Variants in PTPN2 observed in about 807,000 individuals in gnomAD.
The protein encoded by PTPN2 is protein tyrosine phosphatase non-receptor type 2, also known as tyrosine-protein phosphatase non-receptor type 2.
Under a neutral mutation model 57.3 loss-of-function variants are expected in PTPN2, and 19 were observed. The observed-to-expected ratio is 0.33, with a 90% CI of 0.23 to 0.49. PTPN2 has a LOEUF of 0.49. Ranked by LOEUF, PTPN2 falls within the 20% of genes least tolerant of loss-of-function variation. PTPN2 has a pLI of 0.99. For missense variants in PTPN2, 358 were observed against 501.1 expected, an observed-to-expected ratio of 0.71 and a Z score of 2.73; for synonymous variants, 153 against 164.9, an observed-to-expected ratio of 0.93 and a Z score of 0.55.
chr18:12,882,389 A>G (rs1184853588), intron 1 of PTPN2, among the ~76,000 whole-genome samples: 1 of 152,226 alleles, frequency 6.6e-6, no homozygotes, highest in Non-Finnish European at 1.5e-5. Context: ...ATGCGAGTTA[A>G]GTTCATTTTT....
intron 2 of PTPN2, among the ~76,000 whole-genome samples, chr18:12,847,643 G>GT (rs1352113466): frequency 2.0e-5 from 3 of 147,326 alleles, no homozygotes; most frequent in South Asian, 2.2e-4. Context: ...TTGAGAGGGA[G>GT]TTTTTTTTCG....
intron 5 of PTPN2, among the ~76,000 whole-genome samples, chr18:12,818,436 A>G (rs766234610): frequency 5.3e-5 from 8 of 152,220 alleles, no homozygotes; most frequent in Non-Finnish European, 1.0e-4. Context: ...CCAACATGCT[A>G]AATGTTTCCT....
At chr18:12,794,962 C>T (rs72870545) in intron 8 of PTPN2, among the ~76,000 whole-genome samples, 5,522 of 152,204 alleles carry the variant, frequency 0.036, 152 homozygotes, top group Middle Eastern at 0.054. Flanking sequence ...CAGAGATGTA[C>T]CTTGACAACC....
Position 12,793,425 on chromosome 18 carries a change from T to C in PTPN2, c.*853A>G, listed in dbSNP as rs1054895502. On this transcript the variant is annotated 3_prime_UTR_variant, in exon 9 of 9. Coordinates refer to ENST00000309660, the MANE Select transcript of PTPN2 (RefSeq NM_002828.4). ...GAAATTTTCATGAAAAATAAACATA[T>C]CAATAATGGGATTTACAGAAACCAA... 1.3e-5 allele frequency: 13 copies of C among 978,958 alleles called. No homozygotes were observed. The highest frequency in any genetic ancestry group is 1.8e-5 in the African/African-American group (1 of 57,062). The allele number at this position is 978,958 out of a possible 1,614,324, so 60.6% of individuals were successfully genotyped here.
intron 2 of PTPN2, among the ~76,000 whole-genome samples, chr18:12,838,041 T>C (rs1472852352): frequency 3.3e-5 from 5 of 151,330 alleles, no homozygotes; most frequent in Non-Finnish European, 7.4e-5. Context: ...TTAACTGTTA[T>C]ATTATGTAAA....
chr18:12,801,760 G>A (rs1052823699), intron 8 of PTPN2: 29 of 527,582 alleles, frequency 5.5e-5, no homozygotes, highest in Admixed American at 2.3e-4. Context: ...GTAGAGATAA[G>A]GTCTCACTAT....
At position 12,882,956 on chromosome 18, in the gene PTPN2, G is replaced by C. The variant is rs185402669; in HGVS notation, c.69+1117C>G. Among the ~76,000 whole-genome samples, 141 of 152,236 alleles carry C rather than the reference G, an allele frequency of 9.3e-4. 1 individual carries two copies. Among genetic ancestry groups the C allele is most frequent in the Middle Eastern group, 3.4e-3 (1 of 294 alleles). On this transcript the variant is annotated intron_variant, in intron 1 of 8. Coordinates refer to ENST00000309660, the MANE Select transcript of PTPN2 (RefSeq NM_002828.4). ...TAATACGACAAGGATTAAACGAAGG[G>C]GAAAGCAGTTACATCATTTTAAAAG...
chr18:12,854,202 T>C (rs1036425846), intron 2 of PTPN2, among the ~76,000 whole-genome samples: 2 of 150,478 alleles, frequency 1.3e-5, no homozygotes, highest in East Asian at 2.0e-4. Context: ...CTACAAAAAA[T>C]CTAAAAAACT....
chr18:12,843,197 T>C (rs986784637), intron 2 of PTPN2, among the ~76,000 whole-genome samples: 19 of 152,082 alleles, frequency 1.2e-4, no homozygotes, highest in Non-Finnish European at 4.4e-5. Flanking sequence ...AGAAACACTA[T>C]CAGCATCCCA....
intron 2 of PTPN2, among the ~76,000 whole-genome samples, chr18:12,855,391 C>G (rs1190042153): frequency 6.6e-6 from 1 of 151,888 alleles, no homozygotes; most frequent in Non-Finnish European, 1.5e-5. Context: ...ACACAAAAAG[C>G]AGTGATGATG....
chr18:12,823,831 T>A (rs758459486), intron 5 of PTPN2, among the ~76,000 whole-genome samples: 4 of 152,202 alleles, frequency 2.6e-5, no homozygotes, highest in African/African-American at 9.6e-5. Context: ...CTACACTAAC[T>A]GAAGACTACT....
chr18:12,785,734 A>G lies in PTPN2; in HGVS notation c.*89T>C. The G allele has an allele frequency of 4.9e-6, 6 of 1,221,814 alleles. No homozygotes were observed. The South Asian group carries it at 7.3e-5, about 15-fold the overall frequency. The allele number at this position is 1,221,814 out of a possible 1,614,324, so 75.7% of individuals were successfully genotyped here. ...GCAATCTAGAGGGTTAGCGAGCCTC[A>G]CTTTAGTTTCCGGAGTGGGCTTCAG... On this transcript the variant is annotated 3_prime_UTR_variant, in exon 10 of 10. Coordinates refer to the PTPN2 transcript ENST00000327283.
chr18:12,845,930 T>C (rs2043190734), intron 2 of PTPN2, among the ~76,000 whole-genome samples: 1 of 152,188 alleles, frequency 6.6e-6, no homozygotes, highest in Admixed American at 6.5e-5. Context: ...CCAGACACCA[T>C]TCAAGTTCTA....
In PTPN2 at chr18:12,851,510, A is replaced by C. The variant is rs377285999; in HGVS notation, c.160+7654T>G. On this transcript the variant is annotated intron_variant, in intron 2 of 8. Transcript: ENST00000309660. ...CAAAAAAAAAAAAAAAAAAAGAAAA[A>C]AGAATAATATTATATAAATCTATTT... 2.3e-4 allele frequency among the ~76,000 whole-genome samples: 2 copies of C among 8,768 alleles called. 1 individual carries two copies. The highest frequency in any genetic ancestry group is 3.6e-4 in the African/African-American group (2 of 5,560). 5.8% of individuals were successfully genotyped at this position (8,768 alleles called of 152,430 possible).
rs1468935707 is a variant in PTPN2, at chr18:12,855,916, A to G, written c.160+3248T>C. Among the ~76,000 whole-genome samples, 4 of 152,256 alleles carry G rather than the reference A, an allele frequency of 2.6e-5. No homozygotes were observed. In the East Asian group the frequency reaches 7.7e-4, roughly 29 times the overall value. On this transcript the variant is annotated intron_variant, in intron 2 of 8. Coordinates refer to ENST00000309660, the MANE Select transcript of PTPN2 (RefSeq NM_002828.4). ...ACTACATTTTTTAATCGAAATTTCAATTCAATACATTTCCAACTTCACAAT... is the reference window on the plus strand; with the variant it reads ...ACTACATTTTTTAATCGAAATTTCAGTTCAATACATTTCCAACTTCACAAT...
Position 12,793,007 on chromosome 18 carries a change from C to T in PTPN2, c.*1271G>A. The T allele has an allele frequency of 1.0e-6, 1 of 985,132 alleles. No homozygotes were observed. Among genetic ancestry groups the T allele is most frequent in the Non-Finnish European group, 1.2e-6 (1 of 829,680 alleles). The allele number at this position is 985,132 out of a possible 1,614,324, so 61.0% of individuals were successfully genotyped here. On this transcript the variant is annotated 3_prime_UTR_variant, in exon 9 of 9. Transcript: ENST00000309660. ...CTGTGGTTGAAAGTAACCTCTTGAC[C>T]CACCTGGACATCCAATGAGCATAGT...
intron 2 of PTPN2, among the ~76,000 whole-genome samples, chr18:12,858,103 T>C (rs903586162): frequency 6.6e-6 from 1 of 152,158 alleles, no homozygotes; most frequent in Non-Finnish European, 1.5e-5. Context: ...GACTACAATG[T>C]ATATAAAGGT....
chr18:12,792,983 T>A lies in PTPN2; in HGVS notation c.*1295A>T, dbSNP rs2041029367. ...ATATAAAGAGACAAGGCAGAGATGC[T>A]GTGGTTGAAAGTAACCTCTTGACCC... is the stretch of plus-strand genomic sequence containing the variant. On this transcript the variant is annotated 3_prime_UTR_variant, in exon 9 of 9. Coordinates refer to ENST00000309660, the MANE Select transcript of PTPN2 (RefSeq NM_002828.4). 1 of 984,404 alleles carries A rather than the reference T, an allele frequency of 1.0e-6. No homozygotes were observed. The highest frequency in any genetic ancestry group is 4.7e-5 in the South Asian group (1 of 21,268). 61.0% of individuals were successfully genotyped at this position (984,404 alleles called of 1,614,324 possible). A position where few individuals can be genotyped will look rare whatever the true frequency, so the allele number is the denominator to read the frequency against.
At chr18:12,865,414 A>C (rs2043956450) in intron 1 of PTPN2, among the ~76,000 whole-genome samples, 1 of 151,348 alleles carries the variant, frequency 6.6e-6, no homozygotes, top group East Asian at 1.9e-4. Context: ...CAGCCTGGAC[A>C]ACAGAGCAAG....
Sources: allele counts gnomAD v4.1 joint callset (sites outside exome capture counted in the v4.1 genomes callset), GRCh38; gene constraint gnomAD v4.1.1; transcripts MANE v1.5; gene names NCBI Gene and HGNC (gene_info 2026-07-23, HGNC 2026-07-21).